Variants in USP54 observed in about 807,000 individuals in gnomAD.
The protein encoded by USP54 is ubiquitin carboxyl-terminal hydrolase 54.
Under a neutral mutation model 170.5 loss-of-function variants are expected in USP54, and 87 were observed. The observed-to-expected ratio is 0.51, with a 90% confidence interval of 0.43 to 0.61. The LOEUF (loss-of-function observed/expected upper bound fraction) is 0.61, where lower values mean the gene tolerates loss of function less well. Among genes scored for constraint, USP54 ranks in the 20% least tolerant of loss-of-function variants. The pLI, the probability that USP54 is intolerant of heterozygous loss-of-function variation, is 0.00. For synonymous variants in USP54, 655 were observed against 742.8 expected (o/e 0.88, Z 1.92); for missense variants, 1,786 against 2,047.8 (o/e 0.87, Z 2.47).
rs775812094 is a variant in USP54, at chr10:73,523,539, C to T, written c.2362+44G>A. The T allele has an allele frequency of 8.0e-6, 12 of 1,494,414 alleles. No individual in the cohort carries two copies. In the Admixed American group the frequency reaches 1.2e-4, roughly 15 times the overall value. The allele number at this position is 1,494,414 out of a possible 1,614,324, so 92.6% of individuals were successfully genotyped here. A position where few individuals can be genotyped will look rare whatever the true frequency, so the allele number is the denominator to read the frequency against. On this transcript the variant is annotated intron_variant, in intron 17 of 23. Coordinates refer to ENST00000687698, the MANE Select transcript of USP54 (RefSeq NM_001391956.1). The stretch of plus-strand genomic sequence containing the variant: ...GCTTAGATGTTTTTTTCTACCCTTT[C>T]TGTCTGTCCCCATCACCCACAACCT...
chr10:73,501,613 G>A (rs2058127567), intron 22 of USP54, among the ~76,000 whole-genome samples: 1 of 152,044 alleles, frequency 6.6e-6, no homozygotes, highest in Admixed American at 6.6e-5. Context: ...AAATTCACCT[G>A]GACTACTGCA....
intron 9 of USP54, 80 bp from the exon 10 acceptor site, chr10:73,539,673 T>C: frequency 1.4e-6 from 2 of 1,428,966 alleles, no homozygotes; most frequent in Non-Finnish European, 1.9e-6. Context: ...TCCACCAGCA[T>C]TTCTTAAGTA....
chr10:73,501,931 A>G (rs1241307287), intron 22 of USP54, among the ~76,000 whole-genome samples: 3 of 152,120 alleles, frequency 2.0e-5, no homozygotes, highest in African/African-American at 7.2e-5. Flanking sequence ...AATAGCCCTC[A>G]AAAAAACCAC....
chr10:73,609,705 A>G (rs1019518230), intron 1 of USP54, among the ~76,000 whole-genome samples: 2 of 152,114 alleles, frequency 1.3e-5, no homozygotes, highest in Admixed American at 6.6e-5. Flanking sequence ...TTAGCTGGGC[A>G]TGGTGGCAGG....
intron 1 of USP54, among the ~76,000 whole-genome samples, chr10:73,618,059 A>C (rs1286976073): frequency 6.7e-6 from 1 of 149,660 alleles, no homozygotes; most frequent in Non-Finnish European, 1.5e-5. Flanking sequence ...AAAAATACAA[A>C]AATTAGCCGA....
chr10:73,601,507 T>C (rs903642049), intron 1 of USP54, among the ~76,000 whole-genome samples: 6 of 152,266 alleles, frequency 3.9e-5, no homozygotes, highest in East Asian at 1.9e-4. Context: ...AAATGCCTTT[T>C]TTTTTTTTCC....
intron 1 of USP54, among the ~76,000 whole-genome samples, chr10:73,576,760 T>C (rs2076167747): frequency 6.6e-6 from 1 of 152,240 alleles, no homozygotes; most frequent in East Asian, 1.9e-4. Context: ...AAAGGTGTTT[T>C]CCATGAATAT....
intron 15 of USP54, chr10:73,529,004 G>A (rs1306578665): frequency 2.6e-5 from 4 of 152,136 alleles, no homozygotes; most frequent in Non-Finnish European, 5.9e-5. Flanking sequence ...ATTAATTGTA[G>A]TCATGTTTTA....
Position 73,529,864 on chromosome 10 carries a change from T to A in USP54, c.1876A>T (p.Ile626Phe). The A allele has an allele frequency of 6.4e-7, 1 of 1,563,328 alleles. No individual in the cohort carries two copies. Among genetic ancestry groups the A allele is most frequent in the Non-Finnish European group, 8.6e-7 (1 of 1,156,414 alleles). The stretch of plus-strand genomic sequence containing the variant: ...TGGGGGCTTGGTCCACCAAATTTAA[T>A]GTCGTAAGAAGGTGGCTTGCTTGGT... ...DEPSKPPSYD[I>F]KFGGPSPQYK... Residue 626 changes from isoleucine to phenylalanine, a missense_variant, in exon 15 of 24, where the codon ATT becomes TTT. By Grantham distance (21) the Ile-to-Phe change is conservative. Coordinates refer to ENST00000687698, the MANE Select transcript of USP54 (RefSeq NM_001391956.1).
chr10:73,517,649 G>A lies in USP54; in HGVS notation c.2777C>T (p.Pro926Leu), dbSNP rs1375756364. ...TGAGTGTGACTCATGGCAGGAAGCA[G>A]GTGAATGGAAGAAAGAACTGGCCCC... Reference protein sequence around the residue: ...EFGASSFFHSPASCHESHSSL... With the variant: ...EFGASSFFHSLASCHESHSSL... Residue 926 changes from proline (P) to leucine (L), a missense_variant, in exon 20 of 24, where the codon CCT becomes CTT. This residue lies in a region of USP54 where 1,418 missense variants were observed against 1,569.0 expected (regional missense o/e 0.90). Transcript: ENST00000687698. The A allele has an allele frequency of 1.9e-6, 3 of 1,614,214 alleles. No individual in the cohort carries two copies. Among genetic ancestry groups the A allele is most frequent in the Non-Finnish European group, 2.5e-6 (3 of 1,180,044 alleles).
At chr10:73,604,403 A>G (rs984269751) in intron 1 of USP54, among the ~76,000 whole-genome samples, 1 of 152,092 alleles carries the variant, frequency 6.6e-6, no homozygotes, top group African/African-American at 2.4e-5. Flanking sequence ...ATAAAATGAC[A>G]TATGATCCAG....
At chr10:73,578,464 T>C (rs1255695224) in intron 1 of USP54, among the ~76,000 whole-genome samples, 1 of 152,188 alleles carries the variant, frequency 6.6e-6, no homozygotes, top group Non-Finnish European at 1.5e-5. Context: ...CAGGCTGGAG[T>C]GCAGTCGCGC....
chr10:73,546,758 C>A (rs894956346), intron 4 of USP54: 1 of 152,098 alleles, frequency 6.6e-6, no homozygotes, highest in Non-Finnish European at 1.5e-5. Context: ...TACACCTTTT[C>A]TCTGCTGTAT....
rs1009117890 is a variant in USP54, at chr10:73,526,738, C to A, written c.2103G>T (p.Trp701Cys). Residue 701 changes from tryptophan to cysteine, a missense_variant, in exon 16 of 24, where the codon TGG (tryptophan) becomes TGT (cysteine). This residue lies in a region of USP54 where 1,418 missense variants were observed against 1,569.0 expected (regional missense o/e 0.90). Transcript: ENST00000687698. ...AKRSAGLVPS[W>C]RHIPKSHSSS... ...TGCTGTGCGACTTTGGGATATGACG[C>A]CAGGAAGGAACCAACCCAGCTGATC... The A allele has an allele frequency of 6.2e-7, 1 of 1,613,990 alleles. No individual in the cohort carries two copies. The highest frequency in any genetic ancestry group is 8.5e-7 in the Non-Finnish European group (1 of 1,179,980).
chr10:73,575,734 G>C, intron 2 of USP54, 59 bp from the exon 3 acceptor site: 1 of 1,459,790 alleles, frequency 6.9e-7, no homozygotes, highest in South Asian at 1.5e-5. Context: ...GTCTGCTAAA[G>C]TTCTAAAAGG....
intron 4 of USP54, among the ~76,000 whole-genome samples, chr10:73,561,848 T>C (rs572953430): frequency 6.6e-6 from 1 of 152,152 alleles, no homozygotes; most frequent in South Asian, 2.1e-4. Context: ...AGGGGCAATT[T>C]AGGGATCTGG....
At chr10:73,568,591 TA>T (rs1441415045) in intron 4 of USP54, among the ~76,000 whole-genome samples, 1 of 151,894 alleles carries the variant, frequency 6.6e-6, no homozygotes, top group Non-Finnish European at 1.5e-5. Context: ...GAAAAGCCCT[TA>T]GGGGAAAAAA....
At chr10:73,555,650 T>C (rs2070774623) in intron 4 of USP54, among the ~76,000 whole-genome samples, 3 of 152,202 alleles carry the variant, frequency 2.0e-5, no homozygotes, top group African/African-American at 7.2e-5. Context: ...GTCAATTTAC[T>C]AATTTTTGCC....
chr10:73,573,697 G>A (rs919128918), intron 3 of USP54, among the ~76,000 whole-genome samples: 7 of 152,128 alleles, frequency 4.6e-5, no homozygotes, highest in African/African-American at 2.4e-5. Flanking sequence ...CCCAAGAGGC[G>A]GAGGTGGCAG....
Sources: gnomAD v4.1 joint callset for allele counts (sites outside exome capture counted in the v4.1 genomes callset) on GRCh38, gnomAD v4.1.1 for gene constraint, gnomAD v4.1.1 regional missense constraint, MANE v1.5 for transcripts, NCBI Gene and HGNC (gene_info 2026-07-23, HGNC 2026-07-21) for gene names.